Variants in PRKG1 observed in about 807,000 individuals in gnomAD.
PRKG1 encodes protein kinase cGMP-dependent 1, also known as cGMP-dependent protein kinase 1.
PRKG1 carries 35 observed loss-of-function variants against 88.1 expected under a neutral mutation model. The observed-to-expected ratio is 0.40, with a 90% CI of 0.30 to 0.53. The LOEUF (loss-of-function observed/expected upper bound fraction) is 0.53. PRKG1 is among the 20% of genes least tolerant of loss of function. The pLI, the probability that PRKG1 is intolerant of heterozygous loss-of-function variation, is 0.59. For synonymous variants in PRKG1, 303 were observed against 292.5 expected (o/e 1.04, Z -0.37); for missense variants, 540 against 839.8 (o/e 0.64, Z 4.41).
intron 2 of PRKG1, among the ~76,000 whole-genome samples, chr10:51,166,533 A>G (rs538030019): frequency 3.9e-5 from 6 of 152,314 alleles, no homozygotes; most frequent in East Asian, 1.9e-4. Flanking sequence ...AGAAACCACA[A>G]TGGTTTTTCA....
intron 1 of PRKG1, among the ~76,000 whole-genome samples, chr10:51,025,557 A>G (rs1009791112): frequency 1.1e-4 from 17 of 151,780 alleles, no homozygotes; most frequent in Non-Finnish European, 1.3e-4. Context: ...TGGCTGCCCA[A>G]CTCTGTCATG....
intron 1 of PRKG1, among the ~76,000 whole-genome samples, chr10:51,131,978 C>T (rs1365734136): frequency 6.6e-6 from 1 of 152,056 alleles, no homozygotes; most frequent in African/African-American, 2.4e-5. Flanking sequence ...CTTGATCAAA[C>T]ATACAATAAA....
chr10:51,192,697 A>G (rs533587210), intron 2 of PRKG1, among the ~76,000 whole-genome samples: 15 of 152,132 alleles, frequency 9.9e-5, no homozygotes, highest in African/African-American at 3.6e-4. Flanking sequence ...AACCCAAATT[A>G]ACTTCTAAAT....
At chr10:51,030,274 C>G (rs1843266520) in intron 1 of PRKG1, among the ~76,000 whole-genome samples, 1 of 151,182 alleles carries the variant, frequency 6.6e-6, no homozygotes, top group Non-Finnish European at 1.5e-5. Flanking sequence ...TCTTCTTTTT[C>G]AAAAAATAGC....
At chr10:51,014,718 G>A (rs1048478949) in intron 1 of PRKG1, among the ~76,000 whole-genome samples, 3 of 152,102 alleles carry the variant, frequency 2.0e-5, no homozygotes, top group Admixed American at 2.0e-4. Context: ...CTATAAATAT[G>A]TACAATTACA....
intron 2 of PRKG1, among the ~76,000 whole-genome samples, chr10:51,244,310 T>C (rs1239488717): frequency 7.4e-6 from 1 of 135,860 alleles, no homozygotes; most frequent in Non-Finnish European, 1.5e-5. Flanking sequence ...CTTTCTTCCT[T>C]TTTTTTTTTT....
intron 3 of PRKG1, among the ~76,000 whole-genome samples, chr10:51,773,858 A>T (rs1183881534): frequency 6.6e-6 from 1 of 152,080 alleles, no homozygotes; most frequent in Non-Finnish European, 1.5e-5. Context: ...GCAGAGCTAG[A>T]TCTGATTCAG....
chr10:51,660,604 C>T (rs1840275513), intron 3 of PRKG1, among the ~76,000 whole-genome samples: 1 of 152,022 alleles, frequency 6.6e-6, no homozygotes, highest in South Asian at 2.1e-4. Flanking sequence ...CCTCAGTAAC[C>T]CAGTTCAAAT....
chr10:51,115,386 A>AT (rs1465710988), intron 1 of PRKG1, among the ~76,000 whole-genome samples: 11 of 70,434 alleles, frequency 1.6e-4, no homozygotes, highest in East Asian at 1.6e-3. Flanking sequence ...TATATATATA[A>AT]AACAAATGTG....
chr10:52,115,373 A>G (rs189779145), intron 7 of PRKG1, among the ~76,000 whole-genome samples: 2 of 152,114 alleles, frequency 1.3e-5, no homozygotes, highest in African/African-American at 2.4e-5. Flanking sequence ...TTCTGTCGCA[A>G]AGGTGATAGT....
At position 51,489,894 on chromosome 10, in the gene PRKG1, T is replaced by G. The variant is rs191874407; in HGVS notation, c.592+22058T>G. 2.3e-3 allele frequency among the ~76,000 whole-genome samples: 357 copies of G among 152,298 alleles called. 6 individuals carry two copies. The highest frequency in any genetic ancestry group is 0.017 in the Admixed American group (261 of 15,276). On this transcript the variant is annotated intron_variant, in intron 3 of 17. Transcript: ENST00000373980. Reference sequence around the variant, plus strand: ...CATTTTCAGATTATTAAGAATGTTCTATGACCTGTTTACTATAGTTCAACT... The same window carrying G: ...CATTTTCAGATTATTAAGAATGTTCGATGACCTGTTTACTATAGTTCAACT...
chr10:51,747,619 T>C (rs1231828306), intron 3 of PRKG1, among the ~76,000 whole-genome samples: 1 of 152,218 alleles, frequency 6.6e-6, no homozygotes, highest in Non-Finnish European at 1.5e-5. Flanking sequence ...TAGCAACATT[T>C]CACTTTTCAG....
chr10:51,643,687 G>T (rs1349429596), intron 3 of PRKG1, among the ~76,000 whole-genome samples: 1 of 152,088 alleles, frequency 6.6e-6, no homozygotes, highest in East Asian at 1.9e-4. Flanking sequence ...TAATTCTCTG[G>T]TGTCCTTAAA....
intron 12 of PRKG1, 142 bp from the exon 13 acceptor site, chr10:52,280,647 A>C (rs1841983912): frequency 1.2e-6 from 1 of 841,044 alleles, no homozygotes; most frequent in African/African-American, 1.7e-5. Context: ...TGTAATGGCA[A>C]TCATGTAACA....
At chr10:51,540,443 GA>G (rs1842271610) in intron 3 of PRKG1, among the ~76,000 whole-genome samples, 2 of 152,096 alleles carry the variant, frequency 1.3e-5, no homozygotes, top group Non-Finnish European at 1.5e-5. Context: ...AAGTAGTAGT[GA>G]CAACCAGTGT....
chr10:52,042,670 T>C lies in PRKG1; in HGVS notation c.763-11814T>C, dbSNP rs567840999. Among the ~76,000 whole-genome samples the C allele has an allele frequency of 3.3e-5, 5 of 152,218 alleles. No homozygotes were observed. In the East Asian group the frequency reaches 9.7e-4, roughly 29 times the overall value. The stretch of plus-strand genomic sequence containing the variant: ...TTCATTACATTGATCTGGGCAATAA[T>C]TTTTTAGTAAAACCTCAAAAGCACA... On this transcript the variant is annotated intron_variant, in intron 5 of 17. Coordinates refer to ENST00000373980, the MANE Select transcript of PRKG1 (RefSeq NM_006258.4).
intron 3 of PRKG1, among the ~76,000 whole-genome samples, chr10:51,669,655 G>A (rs932487709): frequency 3.9e-5 from 6 of 152,170 alleles, no homozygotes; most frequent in Admixed American, 3.3e-4. Flanking sequence ...TGATCCCAGG[G>A]TTATATAATT....
At chr10:52,077,246 G>C (rs925807787) in intron 7 of PRKG1, among the ~76,000 whole-genome samples, 2 of 151,962 alleles carry the variant, frequency 1.3e-5, no homozygotes, top group African/African-American at 4.8e-5. Flanking sequence ...AAATAGTGAT[G>C]TACTCAGAAA....
At chr10:51,642,846 G>A (rs1839833210) in intron 3 of PRKG1, among the ~76,000 whole-genome samples, 1 of 152,162 alleles carries the variant, frequency 6.6e-6, no homozygotes. Flanking sequence ...GTCTGGAAAC[G>A]CTGGATTTCT....
Sources: gnomAD v4.1 joint callset for allele counts (sites outside exome capture counted in the v4.1 genomes callset) on GRCh38, gnomAD v4.1.1 for gene constraint, MANE v1.5 for transcripts, NCBI Gene and HGNC (gene_info 2026-07-23, HGNC 2026-07-21) for gene names.